The following SYT14 variants were observed in gnomAD, a reference collection of about 807,000 sequenced individuals.
SYT14 encodes the protein synaptotagmin 14.
Under a neutral mutation model 74.2 loss-of-function variants are expected in SYT14, and 32 were observed. The ratio of observed to expected loss-of-function variants is 0.43; its 90% CI spans 0.33 to 0.58. The LOEUF is 0.58. SYT14 is among the 20% of genes least tolerant of loss of function. SYT14 has a pLI of 0.05. For synonymous variants in SYT14, 298 were observed against 337.7 expected, an observed-to-expected ratio of 0.88 and a Z score of 1.29; for missense variants, 791 against 981.8, an observed-to-expected ratio of 0.81 and a Z score of 2.60.
intron 7 of SYT14, among the ~76,000 whole-genome samples, chr1:210,120,295 C>G (rs1204640961): frequency 6.6e-6 from 1 of 151,774 alleles, no homozygotes; most frequent in East Asian, 1.9e-4. Context: ...AACAACAGAT[C>G]ACATAATTGA....
intron 1 of SYT14, among the ~76,000 whole-genome samples, chr1:209,951,360 C>G (rs1406900863): frequency 1.3e-5 from 2 of 152,134 alleles, no homozygotes; most frequent in East Asian, 3.9e-4. Context: ...TTTGTAGATT[C>G]CACATACAAG....
At chr1:210,013,741 G>T (rs2080131489) in exon 3 of SYT14, 3 of 1,612,518 alleles carry the variant, frequency 1.9e-6, no homozygotes, top group Admixed American at 1.7e-5. Flanking sequence ...AATGTTGGCG[G>T]GTTTCCAGAT....
chr1:210,113,060 G>A (rs2151940), intron 7 of SYT14, among the ~76,000 whole-genome samples: 30,556 of 151,096 alleles, frequency 0.2, 7,827 homozygotes, highest in African/African-American at 0.54. Flanking sequence ...GCCGCCGCAC[G>A]CAGACATGAG....
chr1:210,111,091 C>T (rs1021007653), intron 7 of SYT14, among the ~76,000 whole-genome samples: 2 of 152,188 alleles, frequency 1.3e-5, no homozygotes, highest in South Asian at 2.1e-4. Flanking sequence ...TACTAATTTT[C>T]ACACACGTCT....
intron 5 of SYT14, among the ~76,000 whole-genome samples, chr1:210,070,372 C>T (rs2081370586): frequency 6.6e-6 from 1 of 152,022 alleles, no homozygotes; most frequent in Non-Finnish European, 1.5e-5. Flanking sequence ...TATTCTATTC[C>T]ACTTTCAAAA....
At chr1:210,160,938 T>G in exon 10 of SYT14, 1 of 1,613,992 alleles carries the variant, frequency 6.2e-7, no homozygotes, top group East Asian at 2.2e-5. Context: ...CTGGATTTCT[T>G]TAGGTCTCAA....
chr1:209,967,504 G>T (rs979052983), intron 2 of SYT14, among the ~76,000 whole-genome samples: 1 of 151,924 alleles, frequency 6.6e-6, no homozygotes, highest in South Asian at 2.1e-4. Flanking sequence ...AAATATATAG[G>T]CCTCTTCAGG....
At chr1:209,992,136 T>A (rs906998151) in intron 2 of SYT14, among the ~76,000 whole-genome samples, 6 of 151,570 alleles carry the variant, frequency 4.0e-5, no homozygotes, top group Non-Finnish European at 5.9e-5. Context: ...ATAAAGAAAA[T>A]TTTTTTTTGT....
At chr1:209,996,756 G>A (rs1012042906) in intron 2 of SYT14, among the ~76,000 whole-genome samples, 2 of 152,136 alleles carry the variant, frequency 1.3e-5, no homozygotes, top group African/African-American at 2.4e-5. Context: ...ATATCAAAAA[G>A]TTAATTTACG....
At chr1:210,168,690 G>A (rs971188299) in exon 10 of SYT14, 1 of 152,032 alleles carries the variant, frequency 6.6e-6, no homozygotes, top group African/African-American at 2.4e-5. Flanking sequence ...TTCACATCTG[G>A]TTGAAGGTGG....
chr1:210,000,053 TTTTTAAAGTTATGA>T (rs2102873929), intron 2 of SYT14, among the ~76,000 whole-genome samples: 1 of 152,274 alleles, frequency 6.6e-6, no homozygotes, highest in South Asian at 2.1e-4. Flanking sequence ...AATAAAAATG[TTTTTAAAGTTATGA>T]TTTTATTTTT....
chr1:210,026,625 C>CACACAG (rs1342541023), intron 5 of SYT14, among the ~76,000 whole-genome samples: 1 of 150,428 alleles, frequency 6.6e-6, no homozygotes, highest in Non-Finnish European at 1.5e-5. Context: ...CACACACACA[C>CACACAG]ACACACACAC....
chr1:209,939,693 G>A (rs2078699049), intron 1 of SYT14, among the ~76,000 whole-genome samples: 1 of 152,122 alleles, frequency 6.6e-6, no homozygotes, highest in African/African-American at 2.4e-5. Context: ...TTCCCAACTA[G>A]TTTGTGGTAG....
chr1:210,014,510 A>G (rs1188926945), intron 3 of SYT14, among the ~76,000 whole-genome samples: 1 of 151,896 alleles, frequency 6.6e-6, no homozygotes, highest in Non-Finnish European at 1.5e-5. Context: ...ATTGGAAATT[A>G]TAAAAGCAAA....
chr1:209,990,553 A>G (rs1375656499), intron 2 of SYT14, among the ~76,000 whole-genome samples: 1 of 119,138 alleles, frequency 8.4e-6, no homozygotes, highest in East Asian at 2.4e-4. Flanking sequence ...ATATATGTAT[A>G]TATATACGTA....
intron 5 of SYT14, among the ~76,000 whole-genome samples, chr1:210,090,593 T>C (rs2081846900): frequency 1.3e-5 from 2 of 152,094 alleles, no homozygotes; most frequent in Non-Finnish European, 2.9e-5. Flanking sequence ...TAAATCCTCT[T>C]ATAGATATAT....
At chr1:209,953,760 A>G (rs778709604) in intron 2 of SYT14, among the ~76,000 whole-genome samples, 2 of 152,182 alleles carry the variant, frequency 1.3e-5, no homozygotes, top group Non-Finnish European at 1.5e-5. Flanking sequence ...ATTGCATACA[A>G]TTGCTGTTCA....
intron 5 of SYT14, among the ~76,000 whole-genome samples, chr1:210,093,045 C>T (rs1311358044): frequency 6.6e-6 from 1 of 151,938 alleles, no homozygotes; most frequent in East Asian, 1.9e-4. Context: ...GAACCAGTTC[C>T]CCACATATAT....
intron 2 of SYT14, among the ~76,000 whole-genome samples, chr1:210,000,654 A>C: frequency 8.5e-6 from 1 of 117,752 alleles, no homozygotes; most frequent in Admixed American, 1.4e-4. Context: ...TCACTGTGTC[A>C]CCCAGGCTGG....
Sources: gnomAD v4.1 joint callset for allele counts (sites outside exome capture counted in the v4.1 genomes callset) on GRCh38, gnomAD v4.1.1 for gene constraint, MANE v1.5 for transcripts, NCBI Gene and HGNC (gene_info 2026-07-23, HGNC 2026-07-21) for gene names.